C5orf34: variants seen among roughly 807,000 people sequenced by gnomAD.
C5orf34 encodes the protein uncharacterized protein C5orf34.
In C5orf34, 73 loss-of-function variants were observed where a neutral mutation model predicts 78.4. The observed-to-expected ratio is 0.93, with a 90% CI of 0.77 to 1.13. C5orf34 has a LOEUF of 1.13. Among genes scored for constraint, C5orf34 ranks in the 50% most tolerant of loss-of-function variants. C5orf34 has a pLI of 0.00. For synonymous variants in C5orf34, 251 were observed against 246.6 expected, an observed-to-expected ratio of 1.02 and a Z score of -0.17; for missense variants, 730 against 732.7, an observed-to-expected ratio of 1.00 and a Z score of 0.04.
At chr5:43,505,683 A>C (rs991683362) in intron 4 of C5orf34, 65 bp downstream of exon 4, 20 of 1,444,998 alleles carry the variant, frequency 1.4e-5, no homozygotes, top group Non-Finnish European at 1.8e-5. Context: ...GATAAAAAGA[A>C]AATTATCCAG....
chr5:43,489,701 G>A (rs546963636), intron 11 of C5orf34, among the ~76,000 whole-genome samples: 3 of 152,066 alleles, frequency 2.0e-5, no homozygotes, highest in Admixed American at 6.5e-5. Flanking sequence ...TTCAAATAAC[G>A]CTTACTGATA....
intron 6 of C5orf34, chr5:43,495,974 T>C (rs1745499839): frequency 6.3e-7 from 1 of 1,591,336 alleles, no homozygotes; most frequent in Admixed American, 1.7e-5. Context: ...CTTCTGGCTG[T>C]AGGGTGGCTC....
Position 43,494,470 on chromosome 5 carries a change from G to C in C5orf34, c.1244+40C>G, listed in dbSNP as rs757807463. 6 of 1,315,538 alleles carry C rather than the reference G, an allele frequency of 4.6e-6. No individual in the cohort carries two copies. In the African/African-American group the frequency reaches 7.2e-5, roughly 16 times the overall value. 81.5% of individuals were successfully genotyped at this position (1,315,538 alleles called of 1,614,324 possible). A position where few individuals can be genotyped will look rare whatever the true frequency, so the allele number is the denominator to read the frequency against. On this transcript the variant is annotated intron_variant, in intron 7 of 12. Coordinates refer to ENST00000306862, the MANE Select transcript of C5orf34 (RefSeq NM_198566.4). The stretch of plus-strand genomic sequence containing the variant: ...ACAAGAAAATGTGCCAAGATGTTTA[G>C]ACACATAACATTTGATTCAATTGAA...
rs1311546724 is a variant in C5orf34 at position 43,492,329 on chromosome 5, A to C, written c.1486-20T>G. ...ATTTACCTGAAGAAGTAGAAAGATA[A>C]GTTTTATCATTTTAGAACTGAAAAA... is the stretch of plus-strand genomic sequence containing the variant. On this transcript the variant is annotated intron_variant, in intron 9 of 12. Coordinates refer to ENST00000306862, the MANE Select transcript of C5orf34 (RefSeq NM_198566.4). The C allele has an allele frequency of 1.3e-6, 2 of 1,494,130 alleles. No individual in the cohort carries two copies. Among genetic ancestry groups the C allele is most frequent in the Non-Finnish European group, 1.9e-6 (2 of 1,080,628 alleles). The allele number at this position is 1,494,130 out of a possible 1,614,324, so 92.6% of individuals were successfully genotyped here. A position where few individuals can be genotyped will look rare whatever the true frequency, so the allele number is the denominator to read the frequency against.
intron 4 of C5orf34, among the ~76,000 whole-genome samples, chr5:43,505,006 G>A (rs1745919276): frequency 6.6e-6 from 1 of 152,108 alleles, no homozygotes; most frequent in African/African-American, 2.4e-5. Flanking sequence ...ACATTTCTAT[G>A]TCGCAAGTTC....
At chr5:43,509,622 T>C (rs1305738810) in intron 1 of C5orf34, among the ~76,000 whole-genome samples, 1 of 152,242 alleles carries the variant, frequency 6.6e-6, no homozygotes, top group Admixed American at 6.5e-5. Flanking sequence ...TAACTGTCTT[T>C]ATAATTTTAA....
chr5:43,508,301 T>C (rs1310006728), intron 3 of C5orf34, among the ~76,000 whole-genome samples: 1 of 152,198 alleles, frequency 6.6e-6, no homozygotes, highest in Non-Finnish European at 1.5e-5. Context: ...TACATATTTC[T>C]ACTATACATT....
chr5:43,510,781 C>T (rs1579884351), intron 1 of C5orf34, among the ~76,000 whole-genome samples: 2 of 152,208 alleles, frequency 1.3e-5, no homozygotes, highest in African/African-American at 4.8e-5. Flanking sequence ...GGCGTGATCT[C>T]GGCTAGCTAC....
intron 6 of C5orf34, chr5:43,496,582 ATTTTTTTTTTT>A (rs70994702): frequency 2.3e-3 from 960 of 424,834 alleles, no homozygotes; most frequent in East Asian, 5.2e-3. Context: ...GTTTTTTTTA[ATTTTTTTTTTT>A]TTTTTTTTTT....
chr5:43,505,920 G>C lies in C5orf34; in HGVS notation c.760C>G (p.Pro254Ala), dbSNP rs1406776612. Residue 254 changes from proline (P) to alanine (A), a missense_variant, in exon 4 of 13, where the codon CCT (proline) becomes GCT (alanine). Pro to Ala is a conservative substitution (Grantham distance 27). Transcript: ENST00000306862. ...TGAAAATGAAGTGCTAAAGACAAAGGATATTTCCATTCCTCTGGACAGGCA... is the reference window on the plus strand; with the variant it reads ...TGAAAATGAAGTGCTAAAGACAAAGCATATTTCCATTCCTCTGGACAGGCA... The part of the protein sequence containing the change: ...VAACPEEWKY[P>A]LSLALHFHNK... 9 of 1,613,960 alleles carry C rather than the reference G, an allele frequency of 5.6e-6. No homozygotes were observed. The highest frequency in any genetic ancestry group is 7.6e-6 in the Non-Finnish European group (9 of 1,179,976).
At chr5:43,487,820 T>A in intron 12 of C5orf34, 89 bp downstream of exon 12, 2 of 954,276 alleles carry the variant, frequency 2.1e-6, no homozygotes, top group Non-Finnish European at 3.2e-6. Context: ...TAAGTATAGA[T>A]TAATATTCAC....
intron 3 of C5orf34, among the ~76,000 whole-genome samples, chr5:43,506,613 TA>T (rs1274407950): frequency 2.0e-5 from 3 of 152,118 alleles, no homozygotes; most frequent in Non-Finnish European, 4.4e-5. Flanking sequence ...AAAAGAGATG[TA>T]AAACAGACAC....
At position 43,506,405 on chromosome 5, in the gene C5orf34, A is replaced by C; in HGVS notation, c.286-11T>G. 1 of 1,572,080 alleles carries C rather than the reference A, an allele frequency of 6.4e-7. No homozygotes were observed. Among genetic ancestry groups the C allele is most frequent in the Non-Finnish European group, 8.6e-7 (1 of 1,161,626 alleles). The stretch of plus-strand genomic sequence containing the variant: ...GTCAATGAAGATATGCTGCAAGGAG[A>C]GGGGAAAAGAGACGGTGAGTATTTT... On this transcript the variant is annotated splice_polypyrimidine_tract_variant and intron_variant, in intron 3 of 12. Transcript: ENST00000306862.
At chr5:43,499,129 T>C (rs1468800115) in intron 6 of C5orf34, among the ~76,000 whole-genome samples, 1 of 152,192 alleles carries the variant, frequency 6.6e-6, no homozygotes, top group Non-Finnish European at 1.5e-5. Flanking sequence ...GAGGATGTCA[T>C]GATAGGGAGT....
intron 3 of C5orf34, among the ~76,000 whole-genome samples, chr5:43,508,209 C>A (rs1053003623): frequency 2.6e-5 from 4 of 152,028 alleles, no homozygotes; most frequent in Admixed American, 2.0e-4. Context: ...ACATAGTAAA[C>A]CCTCAGTAAA....
In C5orf34 at chr5:43,514,966, G is replaced by A. The variant is rs900656784; in HGVS notation, c.-197C>T. The A allele has an allele frequency of 6.6e-6, 1 of 152,130 alleles. No homozygotes were observed. Among genetic ancestry groups the A allele is most frequent in the African/African-American group, 2.4e-5 (1 of 41,406 alleles). The allele number at this position is 152,130 out of a possible 1,614,324, so 9.4% of individuals were successfully genotyped here. On this transcript the variant is annotated 5_prime_UTR_variant, in exon 1 of 13. Transcript: ENST00000306862. ...AATTACCAGCGAGTGATATTTCTTG[G>A]TGAAAGAAAAAAATCACAACCCTAG...
At chr5:43,495,799 A>G in intron 6 of C5orf34, 1 of 1,577,368 alleles carries the variant, frequency 6.3e-7, no homozygotes, top group Non-Finnish European at 8.7e-7. Context: ...TGGCACTGCC[A>G]TCCTTACGGG....
In C5orf34 at chr5:43,487,141, C is replaced by T. The variant is rs530427689; in HGVS notation, c.1721-30G>A. 2.2e-4 allele frequency: 236 copies of T among 1,058,684 alleles called. 2 individuals carry two copies. In the South Asian group the frequency reaches 4.6e-3, roughly 21 times the overall value. 65.6% of individuals were successfully genotyped at this position (1,058,684 alleles called of 1,614,324 possible). ...GTTGCTTAGTTAAGGAGGTTTTCCC[C>T]ACATTTTTCACTATATAAATATCTT... On this transcript the variant is annotated intron_variant, in intron 12 of 12. Transcript: ENST00000306862.
chr5:43,507,742 C>T (rs1464748894), intron 3 of C5orf34, among the ~76,000 whole-genome samples: 1 of 152,142 alleles, frequency 6.6e-6, no homozygotes, highest in Non-Finnish European at 1.5e-5. Flanking sequence ...CTGCCATAGA[C>T]AAATTAGGTA....
Sources: gnomAD v4.1 joint callset for allele counts (sites outside exome capture counted in the v4.1 genomes callset) on GRCh38, gnomAD v4.1.1 for gene constraint, MANE v1.5 for transcripts, NCBI Gene and HGNC (gene_info 2026-07-23, HGNC 2026-07-21) for gene names.